PRDM16: variants seen among roughly 807,000 people sequenced by gnomAD.
PRDM16 encodes the protein PR/SET domain 16, also known as histone-lysine N-methyltransferase PRDM16.
Under a neutral mutation model 110.6 loss-of-function variants are expected in PRDM16, and 23 were observed. The observed-to-expected ratio is 0.21, with a 90% CI of 0.15 to 0.29. The LOEUF is 0.29. Among genes scored for constraint, PRDM16 ranks in the 10% least tolerant of loss-of-function variants. The probability of loss-of-function intolerance (pLI) is 1.00; values close to 1 mark genes in which losing one functional copy is unlikely to be tolerated. For missense variants in PRDM16, 1,615 were observed against 1,794.3 expected (o/e 0.90, Z 1.81); for synonymous variants, 799 against 781.8 (o/e 1.02, Z -0.37).
At chr1:3,361,916 G>A (rs993250233) in intron 3 of PRDM16, among the ~76,000 whole-genome samples, 1 of 151,388 alleles carries the variant, frequency 6.6e-6, no homozygotes, top group African/African-American at 2.4e-5. Context: ...CAGGAGGGCA[G>A]GTGGTGAGAA....
intron 2 of PRDM16, among the ~76,000 whole-genome samples, chr1:3,236,424 C>T (rs1569898074): frequency 1.3e-5 from 2 of 152,022 alleles, no homozygotes; most frequent in Non-Finnish European, 2.9e-5. Context: ...CCTGGGGGGG[C>T]GCTTGTCTGA....
At chr1:3,277,757 G>A (rs1557576372) in intron 3 of PRDM16, among the ~76,000 whole-genome samples, 3 of 123,998 alleles carry the variant, frequency 2.4e-5, no homozygotes, top group South Asian at 5.4e-4. Context: ...GCACACACAT[G>A]CACACACGCG....
At chr1:3,140,956 G>A (rs781742644) in intron 1 of PRDM16, among the ~76,000 whole-genome samples, 9 of 152,130 alleles carry the variant, frequency 5.9e-5, no homozygotes, top group South Asian at 2.1e-4. Flanking sequence ...CTCCCGATAC[G>A]GATCCCTTTT....
At position 3,425,476 on chromosome 1, in the gene PRDM16, C is replaced by CGGGGCACGGGGCA. The variant is rs1638576444; in HGVS notation, c.2940-99_2940-87dup. 3.2e-6 allele frequency: 4 copies of CGGGGCACGGGGCA among 1,255,598 alleles called. No individual in the cohort carries two copies. In the African/African-American group the frequency reaches 4.5e-5, roughly 14 times the overall value. 77.8% of individuals were successfully genotyped at this position (1,255,598 alleles called of 1,614,324 possible). ...GGACACGGCGGGGCAAAGCTGTGCA[C>CGGGGCACGGGGCA]GGGGCACGGGGCAGGGGCGCGGGCT... On this transcript the variant is annotated intron_variant, in intron 12 of 16. Coordinates refer to ENST00000270722, the MANE Select transcript of PRDM16 (RefSeq NM_022114.4). The surrounding 1 kb of genome is among the most constrained non-coding windows in gnomAD (Gnocchi z 6.9).
chr1:3,187,149 G>A (rs923681262), intron 2 of PRDM16, among the ~76,000 whole-genome samples: 1 of 152,228 alleles, frequency 6.6e-6, no homozygotes, highest in Non-Finnish European at 1.5e-5. Flanking sequence ...TCCTGCCCAG[G>A]TTGTGAGGGA....
At chr1:3,409,847 G>GGTGTGTGTGGTGTTT (rs1643647036) in intron 8 of PRDM16, among the ~76,000 whole-genome samples, 1 of 51,904 alleles carries the variant, frequency 1.9e-5, no homozygotes, top group African/African-American at 1.5e-4. Context: ...GTGTGGTGTG[G>GGTGTGTGTGGTGTTT]GTGTGTGTGT....
At chr1:3,312,088 C>G (rs967940676) in intron 3 of PRDM16, among the ~76,000 whole-genome samples, 4 of 152,216 alleles carry the variant, frequency 2.6e-5, no homozygotes, top group African/African-American at 4.8e-5. Context: ...GCTGCTCCCC[C>G]ATGCGACACC....
At chr1:3,277,784 T>TATGCACACACAA (rs1640624074) in intron 3 of PRDM16, among the ~76,000 whole-genome samples, 2 of 139,212 alleles carry the variant, frequency 1.4e-5, no homozygotes, top group African/African-American at 5.9e-5. Flanking sequence ...CACGCACACA[T>TATGCACACACAA]ATGCACACAC....
rs370325756 is a variant in PRDM16 at position 3,410,867 on chromosome 1, C to T, written c.1187-517C>T. Among the ~76,000 whole-genome samples the T allele has an allele frequency of 6.6e-5, 10 of 152,266 alleles. No homozygotes were observed. The East Asian group carries it at 1.4e-3, about 21-fold the overall frequency. ...TGCCCCGCCCTGGAGAGCAGGTTCA[C>T]CTTCCCCAGGGACTTCTGAAAATCT... On this transcript the variant is annotated intron_variant, in intron 8 of 16. Transcript: ENST00000270722.
chr1:3,097,032 T>C (rs982875776), intron 1 of PRDM16, among the ~76,000 whole-genome samples: 3 of 151,784 alleles, frequency 2.0e-5, no homozygotes, highest in African/African-American at 7.3e-5. Context: ...CATGGGTGCA[T>C]CGGGTGCGTG....
chr1:3,185,422 C>T (rs911779412), intron 1 of PRDM16, among the ~76,000 whole-genome samples: 1 of 152,172 alleles, frequency 6.6e-6, no homozygotes, highest in Non-Finnish European at 1.5e-5. Flanking sequence ...ACCCAGCCAG[C>T]CCTACCCCAG....
chr1:3,114,473 TAAAC>T (rs1269643565), intron 1 of PRDM16, among the ~76,000 whole-genome samples: 1 of 131,446 alleles, frequency 7.6e-6, no homozygotes, highest in Non-Finnish European at 1.6e-5. Context: ...ACACGCAGTG[TAAAC>T]AGACACGCAC....
chr1:3,150,876 G>T (rs1178035204), intron 1 of PRDM16, among the ~76,000 whole-genome samples: 1 of 141,976 alleles, frequency 7.0e-6, no homozygotes, highest in Non-Finnish European at 1.5e-5. Context: ...GGGGCGGGGG[G>T]GCTGGTCCTA....
At chr1:3,426,832 G>A (rs1290201818) in intron 14 of PRDM16, among the ~76,000 whole-genome samples, 3 of 152,208 alleles carry the variant, frequency 2.0e-5, no homozygotes, top group East Asian at 1.9e-4. Context: ...AGGGCAGGAC[G>A]TGCCTGGGGA....
chr1:3,070,085 C>T (rs1641711168), intron 1 of PRDM16, among the ~76,000 whole-genome samples: 1 of 151,952 alleles, frequency 6.6e-6, no homozygotes, highest in Admixed American at 6.6e-5. Context: ...GGGACCCACC[C>T]GGCCACCTCC....
intron 1 of PRDM16, among the ~76,000 whole-genome samples, chr1:3,167,454 C>A (rs1643971703): frequency 6.6e-6 from 1 of 152,048 alleles, no homozygotes; most frequent in Non-Finnish European, 1.5e-5. Context: ...CCGGGGGTCA[C>A]ATTCGCGCTC....
intron 3 of PRDM16, among the ~76,000 whole-genome samples, chr1:3,311,637 G>A (rs914981706): frequency 6.6e-6 from 1 of 152,204 alleles, no homozygotes; most frequent in African/African-American, 2.4e-5. Context: ...AGGCTCAGGA[G>A]CTCACCCAAG....
rs1214877908 is a variant in PRDM16 at position 3,209,634 on chromosome 1, C to G, written c.387+23160C>G. On this transcript the variant is annotated intron_variant, in intron 2 of 16. Transcript: ENST00000270722. This position sits in a 1 kb window ranked among gnomAD's most constrained non-coding sequence, Gnocchi z 4.6. ...GGAACCTCACTTCGGGATCCTTTGT[C>G]GAGACCAATTGGCCACAAATGCCAC... 6.6e-6 allele frequency among the ~76,000 whole-genome samples: 1 copy of G among 152,184 alleles called. No individual in the cohort carries two copies. Among genetic ancestry groups the G allele is most frequent in the Non-Finnish European group, 1.5e-5 (1 of 68,018 alleles).
intron 5 of PRDM16, among the ~76,000 whole-genome samples, chr1:3,402,495 A>G (rs1375966548): frequency 2.6e-5 from 4 of 152,166 alleles, no homozygotes; most frequent in Non-Finnish European, 5.9e-5. Flanking sequence ...TCTCCAGCCC[A>G]CAGTGGCTGC....
Sources: allele counts gnomAD v4.1 joint callset (sites outside exome capture counted in the v4.1 genomes callset), GRCh38; gene constraint gnomAD v4.1.1; non-coding constraint Gnocchi (gnomAD v3.1); transcripts MANE v1.5; gene names NCBI Gene and HGNC (gene_info 2026-07-23, HGNC 2026-07-21).